The following PDZRN3 variants were observed in gnomAD, a reference collection of about 807,000 sequenced individuals.
PDZRN3 encodes E3 ubiquitin-protein ligase PDZRN3.
A neutral mutation model predicts 85.7 loss-of-function variants in PDZRN3; 38 were observed. The observed-to-expected ratio is 0.44, with a 90% CI of 0.34 to 0.58. The LOEUF (loss-of-function observed/expected upper bound fraction) is 0.58. PDZRN3 is among the 20% of genes least tolerant of loss of function. The pLI, the probability that PDZRN3 is intolerant of heterozygous loss-of-function variation, is 0.01. For synonymous variants in PDZRN3, 759 were observed against 638.0 expected, an observed-to-expected ratio of 1.19 and a Z score of -2.86; for missense variants, 1,629 against 1,506.4, an observed-to-expected ratio of 1.08 and a Z score of -1.35.
chr3:73,548,843 C>A (rs535946182), intron 3 of PDZRN3, among the ~76,000 whole-genome samples: 2 of 152,264 alleles, frequency 1.3e-5, no homozygotes, highest in East Asian at 3.9e-4. Flanking sequence ...ACAACAGATG[C>A]TGGTGAAGAC....
At chr3:73,569,689 C>T (rs1231690817) in intron 3 of PDZRN3, among the ~76,000 whole-genome samples, 1 of 152,184 alleles carries the variant, frequency 6.6e-6, no homozygotes, top group Non-Finnish European at 1.5e-5. Context: ...AGCACAGTGC[C>T]TTGGTTCAAA....
intron 3 of PDZRN3, among the ~76,000 whole-genome samples, chr3:73,540,241 C>T (rs1704887558): frequency 1.3e-5 from 2 of 151,826 alleles, no homozygotes; most frequent in South Asian, 2.1e-4. Context: ...ATCTGTGACC[C>T]TAAATATATA....
At chr3:73,443,904 T>C (rs556998249) in intron 3 of PDZRN3, among the ~76,000 whole-genome samples, 1 of 152,270 alleles carries the variant, frequency 6.6e-6, no homozygotes, top group Non-Finnish European at 1.5e-5. Context: ...GTATTAAAAA[T>C]TACTATAAAA....
At chr3:73,510,988 A>G (rs1246870672) in intron 3 of PDZRN3, among the ~76,000 whole-genome samples, 1 of 152,202 alleles carries the variant, frequency 6.6e-6, no homozygotes, top group Non-Finnish European at 1.5e-5. Context: ...TGGGGGGACC[A>G]CTGAAATACT....
intron 3 of PDZRN3, among the ~76,000 whole-genome samples, chr3:73,526,182 G>T (rs1704520056): frequency 1.3e-5 from 2 of 152,174 alleles, no homozygotes; most frequent in African/African-American, 4.8e-5. Context: ...TGCAAGGAAA[G>T]CACTTAATAC....
chr3:73,465,380 T>C (rs1041398316), intron 3 of PDZRN3, among the ~76,000 whole-genome samples: 14 of 152,236 alleles, frequency 9.2e-5, no homozygotes, highest in African/African-American at 3.1e-4. Context: ...AATTGCCTTA[T>C]ATAGATGGTG....
chr3:73,489,835 G>A (rs1354473498), intron 3 of PDZRN3, among the ~76,000 whole-genome samples: 13 of 152,104 alleles, frequency 8.5e-5, no homozygotes, highest in African/African-American at 2.9e-4. Flanking sequence ...GCCTCCCAAA[G>A]TGCTGGGATT....
At chr3:73,412,792 G>A (rs1382430189) in intron 3 of PDZRN3, among the ~76,000 whole-genome samples, 1 of 152,236 alleles carries the variant, frequency 6.6e-6, no homozygotes, top group East Asian at 1.9e-4. Context: ...TGCATACCAA[G>A]TGCTCAGTGA....
intron 3 of PDZRN3, among the ~76,000 whole-genome samples, chr3:73,577,304 C>A (rs779795291): frequency 2.5e-4 from 38 of 152,174 alleles, no homozygotes; most frequent in Non-Finnish European, 4.4e-4. Flanking sequence ...TCTACTCATG[C>A]TCCCTTTACT....
intron 3 of PDZRN3, among the ~76,000 whole-genome samples, chr3:73,410,229 A>G (rs1207534416): frequency 1.3e-5 from 2 of 152,204 alleles, no homozygotes; most frequent in East Asian, 3.8e-4. Context: ...GTCTGTCTTA[A>G]TTTATTTCAA....
Position 73,383,477 on chromosome 3 carries a change from T to C in PDZRN3, c.3089A>G (p.Asn1030Ser). The change falls in exon 10 of 10, where the codon AAT (asparagine) becomes AGT (serine). Residue 1030 changes from asparagine (N) to serine (S), a missense_variant. Asn to Ser is a conservative substitution (Grantham distance 46). Coordinates refer to ENST00000263666, the MANE Select transcript of PDZRN3 (RefSeq NM_015009.3). ...LSHKKMMKKR[N>S]KKIFDNWMTI... is the part of the protein sequence containing the mutation. ...CATCCAGTTATCGAAGATTTTCTTA[T>C]TCCTCTTCTTCATCATCTTTTTGTG... is the stretch of plus-strand genomic sequence containing the variant. 3 of 1,614,196 alleles carry C rather than the reference T, an allele frequency of 1.9e-6. No homozygotes were observed. Among genetic ancestry groups the C allele is most frequent in the Non-Finnish European group, 1.7e-6 (2 of 1,180,018 alleles).
chr3:73,492,198 T>C (rs1703783665), intron 3 of PDZRN3, among the ~76,000 whole-genome samples: 1 of 152,206 alleles, frequency 6.6e-6, no homozygotes, highest in Non-Finnish European at 1.5e-5. Context: ...TAAATTGGTT[T>C]CCAAAATAAA....
At chr3:73,485,687 C>T (rs1045442075) in intron 3 of PDZRN3, among the ~76,000 whole-genome samples, 11 of 152,086 alleles carry the variant, frequency 7.2e-5, no homozygotes, top group Non-Finnish European at 1.0e-4. Context: ...AACTATAAGA[C>T]GATGAAAAAT....
At chr3:73,546,031 GGGGCCTCCTGTGTCTTGGACTT>G (rs1248534548) in intron 3 of PDZRN3, among the ~76,000 whole-genome samples, 1 of 152,188 alleles carries the variant, frequency 6.6e-6, no homozygotes, top group African/African-American at 2.4e-5. Flanking sequence ...CCTGAGGGCA[GGGGCCTCCTGTGTCTTGGACTT>G]GGGCCTCCTG....
intron 3 of PDZRN3, among the ~76,000 whole-genome samples, chr3:73,434,323 G>A (rs1488515654): frequency 8.5e-5 from 13 of 152,252 alleles, no homozygotes. Flanking sequence ...TGTATTTAAT[G>A]CTGCAGATAA....
chr3:73,599,994 G>T (rs1158001885), intron 3 of PDZRN3, among the ~76,000 whole-genome samples: 1 of 152,100 alleles, frequency 6.6e-6, no homozygotes, highest in African/African-American at 2.4e-5. Context: ...GCATATAAAT[G>T]TTACTTGTAA....
At chr3:73,387,736 C>T (rs891911170) in intron 8 of PDZRN3, among the ~76,000 whole-genome samples, 6 of 152,054 alleles carry the variant, frequency 3.9e-5, no homozygotes, top group African/African-American at 1.4e-4. Flanking sequence ...CCTATGATCC[C>T]TGCATTAATG....
intron 3 of PDZRN3, among the ~76,000 whole-genome samples, chr3:73,594,171 A>G (rs1440524086): frequency 6.6e-6 from 1 of 152,204 alleles, no homozygotes; most frequent in Non-Finnish European, 1.5e-5. Context: ...ATGCACAGTC[A>G]TTAGAAAGAA....
chr3:73,449,163 A>G (rs543146951), intron 3 of PDZRN3, among the ~76,000 whole-genome samples: 1 of 152,320 alleles, frequency 6.6e-6, no homozygotes, highest in South Asian at 2.1e-4. Context: ...CAACTTGTCA[A>G]AAAGGGAAAT....
Sources: gnomAD v4.1 joint callset for allele counts (sites outside exome capture counted in the v4.1 genomes callset) on GRCh38, gnomAD v4.1.1 for gene constraint, MANE v1.5 for transcripts, NCBI Gene and HGNC (gene_info 2026-07-23, HGNC 2026-07-21) for gene names.